Variants in EPB41 observed in about 807,000 individuals in gnomAD.
The protein encoded by EPB41 is erythrocyte membrane protein band 4.1, also known as protein 4.1.
EPB41 carries 65 observed loss-of-function variants against 108.0 expected under a neutral mutation model. The observed-to-expected ratio is 0.60, with a 90% CI of 0.49 to 0.74. The LOEUF is 0.74. Ranked by LOEUF, EPB41 falls within the 30% of genes least tolerant of loss-of-function variation. EPB41 has a pLI of 0.00. For missense variants in EPB41, 875 were observed against 1,037.0 expected, an observed-to-expected ratio of 0.84 and a Z score of 2.15; for synonymous variants, 336 against 358.9, an observed-to-expected ratio of 0.94 and a Z score of 0.72.
In EPB41 at chr1:29,058,860, A is replaced by G. The variant is rs1174296940; in HGVS notation, c.1944+8A>G. On this transcript the variant is annotated splice_region_variant and intron_variant, in intron 14 of 20. Transcript: ENST00000343067. ...CTGATAAGAATGAGGAAGGTTAGCC[A>G]TTTTTCACTTTCACAAAACTACATT... 1.3e-6 allele frequency: 2 copies of G among 1,550,800 alleles called. No homozygotes were observed. Among genetic ancestry groups the G allele is most frequent in the South Asian group, 1.2e-5 (1 of 83,958 alleles).
intron 16 of EPB41, among the ~76,000 whole-genome samples, chr1:29,086,618 T>C (rs1428932297): frequency 2.6e-5 from 4 of 152,148 alleles, no homozygotes; most frequent in South Asian, 2.1e-4. Flanking sequence ...TTGGAAAATA[T>C]AATTTTTAAA....
chr1:28,985,272 T>G (rs1036597563), intron 1 of EPB41, among the ~76,000 whole-genome samples: 13 of 152,242 alleles, frequency 8.5e-5, no homozygotes, highest in African/African-American at 3.1e-4. Context: ...CCTAAAACTT[T>G]TATTAATACC....
chr1:29,054,679 A>G (rs1645074688), intron 12 of EPB41, among the ~76,000 whole-genome samples: 2 of 152,060 alleles, frequency 1.3e-5, no homozygotes, highest in South Asian at 2.1e-4. Flanking sequence ...GTGAAACCCC[A>G]TGTCTACAAA....
intron 1 of EPB41, among the ~76,000 whole-genome samples, chr1:28,898,137 G>A (rs1051375887): frequency 1.3e-5 from 2 of 152,120 alleles, no homozygotes; most frequent in African/African-American, 4.8e-5. Flanking sequence ...GGGAAAGGCT[G>A]GCAGTGACAG....
chr1:28,963,956 T>G (rs2095293150), intron 1 of EPB41, among the ~76,000 whole-genome samples: 1 of 152,248 alleles, frequency 6.6e-6, no homozygotes, highest in African/African-American at 2.4e-5. Context: ...TCTGTCATAC[T>G]GTCTTTCTTC....
intron 1 of EPB41, among the ~76,000 whole-genome samples, chr1:28,889,438 T>A (rs997342151): frequency 6.6e-6 from 1 of 152,180 alleles, no homozygotes; most frequent in African/African-American, 2.4e-5. Context: ...AGGGCTGGCC[T>A]CCCTCCTGTA....
At chr1:28,902,025 C>T (rs375243309) in intron 1 of EPB41, among the ~76,000 whole-genome samples, 62 of 152,176 alleles carry the variant, frequency 4.1e-4, no homozygotes, top group African/African-American at 1.4e-3. Context: ...GCGTTATATC[C>T]CTTGTACCTA....
At chr1:28,937,638 C>T (rs1393338330) in intron 1 of EPB41, among the ~76,000 whole-genome samples, 1 of 152,198 alleles carries the variant, frequency 6.6e-6, no homozygotes, top group African/African-American at 2.4e-5. Flanking sequence ...CGTGATCTGC[C>T]CGCCTTGGCC....
chr1:29,108,668 C>T (rs1668081388), intron 17 of EPB41, among the ~76,000 whole-genome samples: 2 of 151,770 alleles, frequency 1.3e-5, no homozygotes, highest in Non-Finnish European at 2.9e-5. Flanking sequence ...AGCATTTCTT[C>T]TGCCTCAGCC....
At chr1:28,993,072 A>G (rs2096066525) in intron 2 of EPB41, among the ~76,000 whole-genome samples, 1 of 152,196 alleles carries the variant, frequency 6.6e-6, no homozygotes, top group South Asian at 2.1e-4. Context: ...GCTGAGAGCA[A>G]TGGATTGGTA....
upstream of EPB41, among the ~76,000 whole-genome samples, chr1:28,911,574 TG>T (rs1025955546): frequency 2.6e-5 from 4 of 152,216 alleles, no homozygotes; most frequent in African/African-American, 9.7e-5. Context: ...GATAACTTGG[TG>T]GTGGTGGAGA....
intron 1 of EPB41, among the ~76,000 whole-genome samples, chr1:28,917,997 T>C (rs898220955): frequency 1.3e-5 from 2 of 152,196 alleles, no homozygotes; most frequent in Admixed American, 6.5e-5. Context: ...CAGTTTCATA[T>C]TGCTAATCTG....
intron 13 of EPB41, 48 bp from the exon 14 acceptor site, chr1:29,058,763 A>T (rs1254920211): frequency 2.0e-6 from 3 of 1,533,824 alleles, no homozygotes; most frequent in Non-Finnish European, 1.8e-6. Context: ...AACTTCAATG[A>T]GCAACATTTT....
intron 1 of EPB41, among the ~76,000 whole-genome samples, chr1:28,962,248 A>G (rs997584964): frequency 2.0e-5 from 3 of 151,918 alleles, no homozygotes; most frequent in African/African-American, 7.3e-5. Context: ...TTTAGTAGAG[A>G]CGGGGTTTCA....
At chr1:28,975,615 A>G (rs1156931129) in intron 1 of EPB41, among the ~76,000 whole-genome samples, 3 of 152,094 alleles carry the variant, frequency 2.0e-5, no homozygotes, top group South Asian at 4.2e-4. Context: ...TCATTTCATA[A>G]TGTGTCTTTG....
chr1:28,906,706 A>G (rs2091854523), intron 1 of EPB41, among the ~76,000 whole-genome samples: 1 of 152,184 alleles, frequency 6.6e-6, no homozygotes, highest in Admixed American at 6.5e-5. Context: ...AGTACATAGT[A>G]GAGGACAGTG....
At position 28,947,661 on chromosome 1, in the gene EPB41, A is replaced by G. The variant is rs969447620; in HGVS notation, c.-8+32893A>G. Among the ~76,000 whole-genome samples the G allele has an allele frequency of 1.3e-4, 20 of 152,026 alleles. 1 individual carries two copies. Among genetic ancestry groups the G allele is most frequent in the African/African-American group, 4.8e-4 (20 of 41,462 alleles). On this transcript the variant is annotated intron_variant, in intron 1 of 20. Transcript: ENST00000343067. ...GGCCAACATGATGAAACCTGTCTCT[A>G]TCAAAAATACAAAAATTAGCTGGGT...
At position 28,902,088 on chromosome 1, in the gene EPB41, GATGACT is replaced by G. The variant is rs375729076; in HGVS notation, c.-8+14881_-8+14886del. ...TCAGTAAATATTTGGGGTGTAAACT[GATGACT>G]ATATGAAGCCTGTTCTCTCTGGATC... On this transcript the variant is annotated intron_variant, in intron 1 of 16. Coordinates refer to the EPB41 transcript ENST00000347529. The G allele has an allele frequency of 1.1e-5, 9 of 819,572 alleles. No individual in the cohort carries two copies. In the African/African-American group the frequency reaches 1.7e-4, roughly 15 times the overall value. The allele number at this position is 819,572 out of a possible 1,614,324, so 50.8% of individuals were successfully genotyped here.
At chr1:29,034,781 A>G (rs1638744773) in intron 9 of EPB41, among the ~76,000 whole-genome samples, 2 of 152,174 alleles carry the variant, frequency 1.3e-5, no homozygotes, top group Non-Finnish European at 1.5e-5. Context: ...AATAAGTTCA[A>G]GAGATCTATT....
Sources: gnomAD v4.1 joint callset for allele counts (sites outside exome capture counted in the v4.1 genomes callset) on GRCh38, gnomAD v4.1.1 for gene constraint, MANE v1.5 for transcripts, NCBI Gene and HGNC (gene_info 2026-07-23, HGNC 2026-07-21) for gene names.